The following ISOC2 variants were observed in gnomAD, a reference collection of about 807,000 sequenced individuals.
The protein encoded by ISOC2 is isochorismatase domain-containing protein 2.
Under a neutral mutation model 19.3 loss-of-function variants are expected in ISOC2, and 15 were observed. The observed-to-expected ratio is 0.78, with a 90% CI of 0.52 to 1.20. The LOEUF (loss-of-function observed/expected upper bound fraction) is 1.20, where lower values mean the gene tolerates loss of function less well. ISOC2 is among the 50% of genes most tolerant of loss of function. The probability of loss-of-function intolerance (pLI) is 0.00; values close to 1 mark genes in which losing one functional copy is unlikely to be tolerated. For synonymous variants in ISOC2, 106 were observed against 115.8 expected, an observed-to-expected ratio of 0.92 and a Z score of 0.54; for missense variants, 285 against 272.4, an observed-to-expected ratio of 1.05 and a Z score of -0.33.
intron 1 of ISOC2, among the ~76,000 whole-genome samples, chr19:55,458,829 G>A (rs1338360928): frequency 1.3e-5 from 2 of 149,950 alleles, no homozygotes. Flanking sequence ...ACCTGGCCTT[G>A]AGCTGCTATT....
rs192869040 is a variant in ISOC2, at chr19:55,460,865, G to A, written c.-4+647C>T. ...GGAGGTCGGCGCTGGGGCCCAGTGGGACAGGGGAGAGTCAGGAAGGGGCAG... is the reference window on the plus strand; with the variant it reads ...GGAGGTCGGCGCTGGGGCCCAGTGGAACAGGGGAGAGTCAGGAAGGGGCAG... On this transcript the variant is annotated intron_variant, in intron 1 of 5. Transcript: ENST00000425675. Among the ~76,000 whole-genome samples the A allele has an allele frequency of 6.1e-3, 937 of 152,374 alleles. 6 individuals are homozygous for A. The highest frequency in any genetic ancestry group is 6.7e-3 in the Non-Finnish European group (456 of 68,040).
At position 55,455,286 on chromosome 19, in the gene ISOC2, C is replaced by A. The variant is rs145190100; in HGVS notation, c.393G>T (p.Val131=). The A allele has an allele frequency of 1.2e-4, 188 of 1,613,382 alleles. No individual in the cohort carries two copies. In the African/African-American group the frequency reaches 2.3e-3, roughly 19 times the overall value. Residue 131 remains valine (V), a synonymous_variant, in exon 4 of 6, where the codon GTG becomes GTT. Transcript: ENST00000425675. ...TGCGTGAGGAGCAGGCGTCCACCAC[C>A]ACATGGACCTGCAGCCCCCGGTCTA... ...DLLDRGLQVH[V]VVDACSSRSQ... is the part of the protein sequence containing the mutation.
chr19:55,454,754 G>T, intron 5 of ISOC2: 2 of 564,808 alleles, frequency 3.5e-6, no homozygotes. Context: ...CCCCTCCTCT[G>T]TGCCCTGACC....
At chr19:55,459,058 A>C (rs1189568219) in intron 1 of ISOC2, among the ~76,000 whole-genome samples, 1 of 151,836 alleles carries the variant, frequency 6.6e-6, no homozygotes, top group Non-Finnish European at 1.5e-5. Flanking sequence ...CAGCCTCCCA[A>C]GTAGCTAGAG....
At chr19:55,454,959 G>C (rs747485043) in intron 5 of ISOC2, 30 bp downstream of exon 5, 1 of 1,462,212 alleles carries the variant, frequency 6.8e-7, no homozygotes, top group African/African-American at 1.4e-5. Flanking sequence ...ACAGATGCAG[G>C]GGAGGTGGGG....
In ISOC2 at chr19:55,455,318, C is replaced by G; in HGVS notation, c.361G>C (p.Asp121His). 1 of 1,614,070 alleles carries G rather than the reference C, an allele frequency of 6.2e-7. No homozygotes were observed. The highest frequency in any genetic ancestry group is 8.5e-7 in the Non-Finnish European group (1 of 1,179,970). ...ACCTGCAGCCCCCGGTCTAGGAGGTCCAGGGTCGTGTTCTGTGGGTAGAGA... is the reference window on the plus strand; with the variant it reads ...ACCTGCAGCCCCCGGTCTAGGAGGTGCAGGGTCGTGTTCTGTGGGTAGAGA... Reference protein sequence around the residue: ...AQACILNTTLDLLDRGLQVHV... With the variant: ...AQACILNTTLHLLDRGLQVHV... Residue 121 changes from aspartate (D) to histidine (H), a missense_variant, in exon 4 of 6, where the codon GAC becomes CAC. Physicochemically the swap from Asp to His is moderately conservative, Grantham distance 81. Transcript: ENST00000425675.
chr19:55,459,756 G>A (rs530919492), intron 1 of ISOC2: 2 of 152,230 alleles, frequency 1.3e-5, no homozygotes. Context: ...TGTGCAGGAG[G>A]CGGGACCTGG....
At chr19:55,458,146 G>A (rs8103794) in intron 1 of ISOC2, among the ~76,000 whole-genome samples, 70,167 of 151,808 alleles carry the variant, frequency 0.46, 16,563 homozygotes, top group African/African-American at 0.54. Flanking sequence ...CTTTTGCAGG[G>A]GAGGAAACCT....
Position 55,458,820 on chromosome 19 carries a change from C to T in ISOC2, c.-3-2331G>A, listed in dbSNP as rs137933003. Among the ~76,000 whole-genome samples the T allele has an allele frequency of 8.4e-4, 128 of 152,214 alleles. 1 individual carries two copies. Among genetic ancestry groups the T allele is most frequent in the African/African-American group, 3.0e-3 (123 of 41,526 alleles). Reference sequence around the variant, plus strand: ...GTGATTACAGGTGTGAGCCACCGCACCTGGCCTTGAGCTGCTATTTTCAAA... The same window carrying T: ...GTGATTACAGGTGTGAGCCACCGCATCTGGCCTTGAGCTGCTATTTTCAAA... On this transcript the variant is annotated intron_variant, in intron 1 of 5. Transcript: ENST00000425675.
chr19:55,459,295 C>T (rs949156259), intron 1 of ISOC2, among the ~76,000 whole-genome samples: 3 of 152,126 alleles, frequency 2.0e-5, no homozygotes, highest in Non-Finnish European at 4.4e-5. Context: ...TGCACCATAT[C>T]TCAAGTTTAA....
intron 1 of ISOC2, among the ~76,000 whole-genome samples, chr19:55,459,424 A>G (rs1325787939): frequency 6.6e-6 from 1 of 152,186 alleles, no homozygotes; most frequent in East Asian, 1.9e-4. Context: ...CATAATTACA[A>G]CTGTGATAAG....
In ISOC2 at chr19:55,453,391, G is replaced by T. The variant is rs1269662967; in HGVS notation, c.538-3C>A. On this transcript the variant is annotated splice_region_variant and splice_polypyrimidine_tract_variant and intron_variant, in intron 5 of 5. Coordinates refer to ENST00000425675, the MANE Select transcript of ISOC2 (RefSeq NM_001136201.2). Reference sequence around the variant, plus strand: ...GGCTCCTTGATGAGTTTCTGGATCTGTAAGGGCAGGGGGCGATGGGTCAGG... The same window carrying T: ...GGCTCCTTGATGAGTTTCTGGATCTTTAAGGGCAGGGGGCGATGGGTCAGG... 2 of 1,598,896 alleles carry T rather than the reference G, an allele frequency of 1.3e-6. No individual in the cohort carries two copies. Among genetic ancestry groups the T allele is most frequent in the Admixed American group, 3.5e-5 (2 of 56,834 alleles).
At chr19:55,461,270 C>T (rs1986230911) in intron 1 of ISOC2, among the ~76,000 whole-genome samples, 1 of 152,144 alleles carries the variant, frequency 6.6e-6, no homozygotes, top group Non-Finnish European at 1.5e-5. Context: ...GTCTTAGCCT[C>T]AGTTTTCTCG....
chr19:55,453,463 C>T, intron 5 of ISOC2, 75 bp from the exon 6 acceptor site: 1 of 1,039,010 alleles, frequency 9.6e-7, no homozygotes, highest in Non-Finnish European at 1.4e-6. Flanking sequence ...CTGAGGGACA[C>T]CTCTCCGTCT....
intron 1 of ISOC2, among the ~76,000 whole-genome samples, chr19:55,461,193 C>G (rs1986227252): frequency 2.4e-5 from 1 of 41,604 alleles, no homozygotes; most frequent in East Asian, 3.1e-4. Context: ...TTTCCCCACC[C>G]GGTCTCGGAA....
At chr19:55,459,564 C>T (rs1392250793) in intron 1 of ISOC2, among the ~76,000 whole-genome samples, 1 of 152,058 alleles carries the variant, frequency 6.6e-6, no homozygotes, top group Non-Finnish European at 1.5e-5. Flanking sequence ...TGTCCCCTGA[C>T]CCCCGTGGAT....
chr19:55,461,196 TCTCGGAAACCC>T (rs1986227889), intron 1 of ISOC2, among the ~76,000 whole-genome samples: 4 of 41,610 alleles, frequency 9.6e-5, no homozygotes, highest in Non-Finnish European at 2.5e-4. Flanking sequence ...CCCCACCCGG[TCTCGGAAACCC>T]GGCCTTGGAG....
intron 3 of ISOC2, 58 bp from the exon 4 acceptor site, chr19:55,455,388 G>T: frequency 1.2e-6 from 2 of 1,601,698 alleles, no homozygotes; most frequent in Non-Finnish European, 1.7e-6. Flanking sequence ...CCTGGGTAAG[G>T]AATTGGGGAT....
Position 55,456,422 on chromosome 19 carries a change from T to A in ISOC2, c.65A>T (p.Asp22Val), listed in dbSNP as rs200414554. ...GTTGTGGCGGAACTTCTCCTGCATG[T>A]CACACAGGAACAGGACAGAGGATCC... ...LPGSSVLFLC[D>V]MQEKFRHNIA... The change falls in exon 2 of 6, where the codon GAC becomes GTC. Residue 22 changes from aspartate to valine, a missense_variant. By Grantham distance (152) the Asp-to-Val change is radical. Transcript: ENST00000425675. 2.9e-5 allele frequency: 47 copies of A among 1,613,564 alleles called. No homozygotes were observed. In the East Asian group the frequency reaches 9.8e-4, roughly 34 times the overall value.
Sources: allele counts gnomAD v4.1 joint callset (sites outside exome capture counted in the v4.1 genomes callset), GRCh38; gene constraint gnomAD v4.1.1; transcripts MANE v1.5; gene names NCBI Gene and HGNC (gene_info 2026-07-23, HGNC 2026-07-21).